Variants in SHC4 observed in about 807,000 individuals in gnomAD.
The protein encoded by SHC4 is SHC adaptor protein 4.
A neutral mutation model predicts 69.4 loss-of-function variants in SHC4; 41 were observed. The observed-to-expected ratio is 0.59, with a 90% CI of 0.46 to 0.77. The LOEUF (loss-of-function observed/expected upper bound fraction) is 0.77, where lower values mean the gene tolerates loss of function less well. Among genes scored for constraint, SHC4 ranks in the 30% least tolerant of loss-of-function variants. SHC4 has a pLI of 0.00. For missense variants in SHC4, 777 were observed against 783.8 expected (o/e 0.99, Z 0.10); for synonymous variants, 318 against 299.3 (o/e 1.06, Z -0.64).
chr15:48,844,319 A>C (rs549754035), intron 9 of SHC4, among the ~76,000 whole-genome samples: 73 of 152,278 alleles, frequency 4.8e-4, no homozygotes, highest in Middle Eastern at 3.4e-3. Context: ...CATATTTCTC[A>C]GAGGTTTCAC....
chr15:48,934,686 G>GA (rs1392897952), intron 1 of SHC4, among the ~76,000 whole-genome samples: 1 of 152,086 alleles, frequency 6.6e-6, no homozygotes, highest in Admixed American at 6.6e-5. Context: ...CCAAAAGGTA[G>GA]AAATAACCCA....
chr15:48,877,994 C>A (rs1899848352), intron 4 of SHC4: 4 of 642,370 alleles, frequency 6.2e-6, no homozygotes, highest in East Asian at 2.9e-5. Context: ...GACGCCAACA[C>A]CCCGGAGAAA....
intron 1 of SHC4, among the ~76,000 whole-genome samples, chr15:48,957,648 C>A (rs1003886089): frequency 1.3e-5 from 2 of 152,208 alleles, no homozygotes; most frequent in Admixed American, 6.5e-5. Context: ...TGTGAGCAAA[C>A]ACATTGCAAT....
chr15:48,907,269 G>A (rs1900421593), intron 2 of SHC4, among the ~76,000 whole-genome samples: 1 of 149,554 alleles, frequency 6.7e-6, no homozygotes, highest in African/African-American at 2.5e-5. Context: ...CTGTCTCCCA[G>A]GCTAGAGTGC....
intron 4 of SHC4, among the ~76,000 whole-genome samples, chr15:48,883,584 T>C (rs1446099421): frequency 2.0e-5 from 3 of 152,140 alleles, no homozygotes; most frequent in South Asian, 4.1e-4. Context: ...GTTTAAAAAA[T>C]TAAAAGCAAG....
intron 5 of SHC4, among the ~76,000 whole-genome samples, chr15:48,869,289 G>A (rs1167540874): frequency 6.6e-6 from 1 of 152,170 alleles, no homozygotes; most frequent in Admixed American, 6.5e-5. Context: ...TTTTTGCAAA[G>A]AGAGTAAAAA....
At chr15:48,948,536 C>T (rs1901312511) in intron 1 of SHC4, among the ~76,000 whole-genome samples, 1 of 152,184 alleles carries the variant, frequency 6.6e-6, no homozygotes, top group African/African-American at 2.4e-5. Flanking sequence ...TATGTTTGTG[C>T]CATTGTAATT....
chr15:48,877,640 A>C (rs191944089), intron 4 of SHC4: 14,845 of 700,978 alleles, frequency 0.021, 119 homozygotes, highest in Non-Finnish European at 0.023. Context: ...ACTATAACTA[A>C]AAAAAAAAAA....
chr15:48,835,020 C>T lies in SHC4; in HGVS notation c.1486G>A (p.Ala496Thr). 1.9e-6 allele frequency: 3 copies of T among 1,608,060 alleles called. No homozygotes were observed. Among genetic ancestry groups the T allele is most frequent in the Non-Finnish European group, 2.5e-6 (3 of 1,177,122 alleles). ...GCACCCGGCTGAACAGTTTCTGGTGCCTCTGAAGTCAGAACACAAAGAGAG... is the reference window on the plus strand; with the variant it reads ...GCACCCGGCTGAACAGTTTCTGGTGTCTCTGAAGTCAGAACACAAAGAGAG... ...PLGSPWHCGKAPETVQPGATA... is the reference protein window; with the variant it reads ...PLGSPWHCGKTPETVQPGATA... Residue 496 changes from alanine (A) to threonine (T), a missense_variant and splice_region_variant, in exon 11 of 12, where the codon GCA becomes ACA. By Grantham distance (58) the Ala-to-Thr change is moderately conservative (BLOSUM62 0). Transcript: ENST00000332408.
intron 3 of SHC4, among the ~76,000 whole-genome samples, chr15:48,886,257 AAT>A (rs138944535): frequency 1.7e-4 from 25 of 150,056 alleles, no homozygotes; most frequent in Admixed American, 2.7e-4. Context: ...ACTGTCTCAA[AAT>A]ATATATATAT....
chr15:48,868,667 G>A (rs1348858827), intron 5 of SHC4, among the ~76,000 whole-genome samples: 1 of 152,114 alleles, frequency 6.6e-6, no homozygotes, highest in African/African-American at 2.4e-5. Flanking sequence ...ACTCTCTAGA[G>A]GGAAGATGCA....
At chr15:48,861,587 A>G (rs1207101989) in intron 6 of SHC4, among the ~76,000 whole-genome samples, 1 of 152,230 alleles carries the variant, frequency 6.6e-6, no homozygotes, top group Non-Finnish European at 1.5e-5. Context: ...AAAGGGAAAG[A>G]AGAAAGACAA....
chr15:48,904,025 A>C (rs1400881627), intron 2 of SHC4, among the ~76,000 whole-genome samples: 1 of 152,190 alleles, frequency 6.6e-6, no homozygotes, highest in Non-Finnish European at 1.5e-5. Flanking sequence ...AAAGGACATT[A>C]AAGTATCTTT....
At position 48,924,862 on chromosome 15, in the gene SHC4, C is replaced by G; in HGVS notation, c.656+17G>C. 6.2e-7 allele frequency: 1 copy of G among 1,613,694 alleles called. No individual in the cohort carries two copies. The highest frequency in any genetic ancestry group is 8.5e-7 in the Non-Finnish European group (1 of 1,179,606). On this transcript the variant is annotated intron_variant, in intron 2 of 11. Coordinates refer to ENST00000332408, the MANE Select transcript of SHC4 (RefSeq NM_203349.4). ...AAACCATACTCCTCAAAGCCCCTCC[C>G]ATTTTTGGCTTCTTACCTTGTAACT...
intron 3 of SHC4, among the ~76,000 whole-genome samples, chr15:48,887,988 A>T (rs1451650144): frequency 6.6e-6 from 1 of 152,212 alleles, no homozygotes; most frequent in Non-Finnish European, 1.5e-5. Flanking sequence ...GAATATGGAG[A>T]AATTAGAACC....
intron 2 of SHC4, among the ~76,000 whole-genome samples, chr15:48,913,887 G>C (rs1186907081): frequency 6.6e-6 from 1 of 152,234 alleles, no homozygotes; most frequent in East Asian, 1.9e-4. Context: ...CAGTGGGTGT[G>C]TTTGTTCAGG....
At chr15:48,841,810 A>T (rs1402563551) in intron 10 of SHC4, among the ~76,000 whole-genome samples, 1 of 152,212 alleles carries the variant, frequency 6.6e-6, no homozygotes, top group Non-Finnish European at 1.5e-5. Flanking sequence ...GGGTGTCAGG[A>T]GTGATCTTAG....
At chr15:48,915,903 C>T (rs928953921) in intron 2 of SHC4, among the ~76,000 whole-genome samples, 1 of 152,098 alleles carries the variant, frequency 6.6e-6, no homozygotes, top group Non-Finnish European at 1.5e-5. Context: ...AATTAATAGA[C>T]TTGGCCTTTT....
At chr15:48,872,479 T>A (rs1899698852) in intron 4 of SHC4, among the ~76,000 whole-genome samples, 1 of 152,188 alleles carries the variant, frequency 6.6e-6, no homozygotes, top group Non-Finnish European at 1.5e-5. Context: ...TCTCTGCCAT[T>A]AAAAACTATG....
Sources: gnomAD v4.1 joint callset for allele counts (sites outside exome capture counted in the v4.1 genomes callset) on GRCh38, gnomAD v4.1.1 for gene constraint, MANE v1.5 for transcripts, NCBI Gene and HGNC (gene_info 2026-07-23, HGNC 2026-07-21) for gene names.